Variants in ESRRB observed in about 807,000 individuals in gnomAD.
ESRRB encodes estrogen related receptor beta.
In ESRRB, 16 loss-of-function variants were observed where a neutral mutation model predicts 46.0. The observed-to-expected ratio is 0.35, with a 90% CI of 0.24 to 0.53. The LOEUF (loss-of-function observed/expected upper bound fraction) is 0.53, where lower values mean the gene tolerates loss of function less well. Among genes scored for constraint, ESRRB ranks in the 20% least tolerant of loss-of-function variants. The pLI is 0.93. For synonymous variants in ESRRB, 246 were observed against 259.6 expected (o/e 0.95, Z 0.50); for missense variants, 488 against 607.4 (o/e 0.80, Z 2.07).
intron 3 of ESRRB, among the ~76,000 whole-genome samples, chr14:76,467,806 G>C (rs1273503254): frequency 6.6e-6 from 1 of 152,080 alleles, no homozygotes; most frequent in Non-Finnish European, 1.5e-5. Context: ...CGAGGCCTCA[G>C]TACAGCTCTG....
intron 1 of ESRRB, among the ~76,000 whole-genome samples, chr14:76,439,051 C>T (rs995034658): frequency 3.3e-5 from 5 of 152,052 alleles, no homozygotes; most frequent in African/African-American, 9.7e-5. Context: ...ATCCTCCCCG[C>T]TCAGCCTCTC....
chr14:76,481,207 C>A (rs919790983), intron 3 of ESRRB, among the ~76,000 whole-genome samples: 17 of 152,316 alleles, frequency 1.1e-4, no homozygotes, highest in African/African-American at 3.8e-4. Context: ...AGCTGTGTGT[C>A]CACCTGAGGC....
chr14:76,339,358 G>T (rs1884164051), intron 1 of ESRRB, among the ~76,000 whole-genome samples: 1 of 152,162 alleles, frequency 6.6e-6, no homozygotes, highest in Admixed American at 6.5e-5. Flanking sequence ...TTTGTTGTGA[G>T]GATGAAATAA....
At chr14:76,446,623 GA>G (rs968463402) in intron 2 of ESRRB, among the ~76,000 whole-genome samples, 1 of 152,168 alleles carries the variant, frequency 6.6e-6, no homozygotes, top group Non-Finnish European at 1.5e-5. Flanking sequence ...CCACTCCTAG[GA>G]AAAGGGAGTC....
chr14:76,458,624 C>T (rs1324939196), intron 2 of ESRRB, among the ~76,000 whole-genome samples: 1 of 152,112 alleles, frequency 6.6e-6, no homozygotes, highest in African/African-American at 2.4e-5. Flanking sequence ...CAGCCTGTGG[C>T]CTTATCCTTC....
intron 3 of ESRRB, chr14:76,463,445 G>GTTTTTTTTTTTTTTTTTTTTTTTT (rs1313130923): frequency 1.7e-5 from 2 of 114,738 alleles, no homozygotes; most frequent in African/African-American, 7.3e-5. Flanking sequence ...ATGCTTCTTT[G>GTTTTTTTTTTTTTTTTTTTTTTTT]TTTTTTTTTT....
chr14:76,479,205 A>G (rs73320327), intron 3 of ESRRB, among the ~76,000 whole-genome samples: 3,028 of 146,398 alleles, frequency 0.021, 95 homozygotes, highest in African/African-American at 0.075. Context: ...ACACCTACTC[A>G]GCACTGTCTG....
intron 1 of ESRRB, among the ~76,000 whole-genome samples, chr14:76,410,956 G>A (rs760694577): frequency 3.5e-4 from 53 of 151,070 alleles, no homozygotes; most frequent in Non-Finnish European, 6.8e-4. Context: ...GCTAATTTTT[G>A]TATTTTTCGC....
chr14:76,469,926 G>GTTTTTTTTTTTTTT (rs1356927268), intron 3 of ESRRB, among the ~76,000 whole-genome samples: 9 of 67,638 alleles, frequency 1.3e-4, no homozygotes, highest in Non-Finnish European at 2.4e-4. Context: ...TGTGTTTTTT[G>GTTTTTTTTTTTTTT]TTGTTTTTTT....
intron 6 of ESRRB, among the ~76,000 whole-genome samples, chr14:76,492,090 G>A (rs1890254200): frequency 1.3e-5 from 2 of 152,212 alleles, no homozygotes; most frequent in African/African-American, 4.8e-5. Flanking sequence ...ACTCTACAAG[G>A]CTATTGACAG....
At chr14:76,327,925 G>T (rs922159294) in intron 1 of ESRRB, among the ~76,000 whole-genome samples, 4 of 151,880 alleles carry the variant, frequency 2.6e-5, no homozygotes, top group African/African-American at 9.7e-5. Context: ...TGTTGGCCAG[G>T]CTGGTCTCGA....
chr14:76,498,803 G>T lies in ESRRB; in HGVS notation c.*345G>T, dbSNP rs756378955. On this transcript the variant is annotated 3_prime_UTR_variant, in exon 7 of 7. Transcript: ENST00000644823. ...CCTCTCCCCTCCACCGAGCCACCAA[G>T]AGGCAGCATGTGCATTTCCTAACTC... 1.7e-6 allele frequency: 1 copy of T among 592,914 alleles called. No individual in the cohort carries two copies. The highest frequency in any genetic ancestry group is 3.3e-6 in the Non-Finnish European group (1 of 304,000). The allele number at this position is 592,914 out of a possible 1,614,324, so 36.7% of individuals were successfully genotyped here. A position where few individuals can be genotyped will look rare whatever the true frequency, so the allele number is the denominator to read the frequency against.
At chr14:76,486,111 G>C (rs1890007644) in intron 5 of ESRRB, among the ~76,000 whole-genome samples, 1 of 152,222 alleles carries the variant, frequency 6.6e-6, no homozygotes, top group African/African-American at 2.4e-5. Context: ...GTTCCCCATA[G>C]GGCAAGCCCA....
At chr14:76,406,080 G>A (rs1886173620) in intron 1 of ESRRB, among the ~76,000 whole-genome samples, 1 of 152,076 alleles carries the variant, frequency 6.6e-6, no homozygotes, top group South Asian at 2.1e-4. Flanking sequence ...TTCATATTTG[G>A]GGATTAAAAA....
intron 1 of ESRRB, among the ~76,000 whole-genome samples, chr14:76,401,996 G>T (rs1427434299): frequency 1.3e-5 from 2 of 152,224 alleles, no homozygotes; most frequent in African/African-American, 2.4e-5. Flanking sequence ...TGGGACCCAG[G>T]AAGAGCCAAT....
chr14:76,396,825 G>A (rs1885704844), intron 1 of ESRRB, among the ~76,000 whole-genome samples: 1 of 152,234 alleles, frequency 6.6e-6, no homozygotes, highest in African/African-American at 2.4e-5. Context: ...GCAGCAGCCA[G>A]GCTCGGCCTG....
intron 1 of ESRRB, among the ~76,000 whole-genome samples, chr14:76,327,301 T>G (rs943898101): frequency 5.3e-5 from 8 of 152,208 alleles, no homozygotes; most frequent in Admixed American, 1.3e-4. Context: ...TCCCCATTTC[T>G]CTCTGACACG....
intron 1 of ESRRB, among the ~76,000 whole-genome samples, chr14:76,420,167 C>T (rs1422285638): frequency 6.6e-6 from 1 of 152,164 alleles, no homozygotes; most frequent in East Asian, 1.9e-4. Flanking sequence ...AGGCTCATGA[C>T]TAGCGGGCAG....
At chr14:76,495,783 A>G (rs1890404421) in intron 6 of ESRRB, among the ~76,000 whole-genome samples, 1 of 152,234 alleles carries the variant, frequency 6.6e-6, no homozygotes, top group African/African-American at 2.4e-5. Context: ...AACCAGATGT[A>G]CAAAACATGA....
Sources: allele counts gnomAD v4.1 joint callset (sites outside exome capture counted in the v4.1 genomes callset), GRCh38; gene constraint gnomAD v4.1.1; transcripts MANE v1.5; gene names NCBI Gene and HGNC (gene_info 2026-07-23, HGNC 2026-07-21).